Variants in FRRS1 observed in about 807,000 individuals in gnomAD.
FRRS1 encodes the protein ferric chelate reductase 1, also known as ferric reductase 1.
A neutral mutation model predicts 70.7 loss-of-function variants in FRRS1; 51 were observed. The observed-to-expected ratio is 0.72, with a 90% CI of 0.58 to 0.91. FRRS1 has a LOEUF of 0.91. FRRS1 is among the 40% of genes least tolerant of loss of function. FRRS1 has a pLI of 0.00. For synonymous variants in FRRS1, 225 were observed against 238.7 expected, an observed-to-expected ratio of 0.94 and a Z score of 0.53; for missense variants, 672 against 726.0, an observed-to-expected ratio of 0.93 and a Z score of 0.86.
chr1:99,765,139 CA>C (rs1257527914), intron 1 of FRRS1, among the ~76,000 whole-genome samples: 1 of 152,004 alleles, frequency 6.6e-6, no homozygotes, highest in East Asian at 1.9e-4. Flanking sequence ...TACACTTCAC[CA>C]AAAAAATCAA....
At chr1:99,753,264 T>C (rs1045196242) in intron 1 of FRRS1, among the ~76,000 whole-genome samples, 4 of 150,754 alleles carry the variant, frequency 2.7e-5, no homozygotes, top group African/African-American at 9.7e-5. Flanking sequence ...CTCATGCCTG[T>C]AATCCCAGCA....
At chr1:99,728,702 G>A in intron 8 of FRRS1, 62 bp from the exon 9 acceptor site, 2 of 1,465,718 alleles carry the variant, frequency 1.4e-6, no homozygotes, top group Admixed American at 1.7e-5. Flanking sequence ...AATAAGATAT[G>A]ATCAAAATCC....
rs550694551 is a variant in FRRS1 at position 99,729,631 on chromosome 1, T to G, written c.858+19A>C. 1 of 1,532,756 alleles carries G rather than the reference T, an allele frequency of 6.5e-7. No homozygotes were observed. Among genetic ancestry groups the G allele is most frequent in the Non-Finnish European group, 9.0e-7 (1 of 1,107,936 alleles). 94.9% of individuals were successfully genotyped at this position (1,532,756 alleles called of 1,614,324 possible). A position where few individuals can be genotyped will look rare whatever the true frequency, so the allele number is the denominator to read the frequency against. ...AAAGCGGGTCTCCAGGTGGAGGTTCTCAGAATTTTCACACCTACCCTGGAG... is the reference window on the plus strand; with the variant it reads ...AAAGCGGGTCTCCAGGTGGAGGTTCGCAGAATTTTCACACCTACCCTGGAG... On this transcript the variant is annotated intron_variant, in intron 8 of 16. Transcript: ENST00000646001.
intron 6 of FRRS1, 93 bp from the exon 7 acceptor site, chr1:99,738,361 G>A (rs1298502019): frequency 2.1e-5 from 17 of 812,486 alleles, no homozygotes; most frequent in Non-Finnish European, 1.2e-5. Flanking sequence ...AGTACGGGTA[G>A]CTCCCAAATT....
At chr1:99,720,834 A>AACACAC (rs57397996) in intron 9 of FRRS1, among the ~76,000 whole-genome samples, 89 of 137,336 alleles carry the variant, frequency 6.5e-4, no homozygotes, top group Middle Eastern at 3.6e-3. Context: ...AGCATTTCCT[A>AACACAC]ACACACACAC....
At chr1:99,752,510 T>C (rs193025002) in intron 1 of FRRS1, among the ~76,000 whole-genome samples, 1 of 152,246 alleles carries the variant, frequency 6.6e-6, no homozygotes, top group African/African-American at 2.4e-5. Flanking sequence ...ATCAATTAAG[T>C]TTGCCATCTT....
At chr1:99,717,389 G>A in intron 11 of FRRS1, 21 bp downstream of exon 11, 1 of 1,442,422 alleles carries the variant, frequency 6.9e-7, no homozygotes, top group Non-Finnish European at 9.8e-7. Context: ...ATATTGCATT[G>A]AACTTTTTTC....
chr1:99,717,487 T>C lies in FRRS1; in HGVS notation c.1159A>G (p.Ile387Val), dbSNP rs145549320. 1.2e-5 allele frequency: 20 copies of C among 1,613,996 alleles called. No homozygotes were observed. The East Asian group carries it at 4.2e-4, about 34-fold the overall frequency. The change falls in exon 11 of 17, where the codon ATA becomes GTA. Residue 387 changes from isoleucine to valine, a missense_variant. Ile to Val is a conservative substitution (Grantham distance 29). Transcript: ENST00000646001. ...MFVAWMTTVS[I>V]GVLVARFFKP... ...AAGAACCGGGCAACCAGTACACCTATGCTAACAGTAGTCATCCATGCCACA... is the reference window on the plus strand; with the variant it reads ...AAGAACCGGGCAACCAGTACACCTACGCTAACAGTAGTCATCCATGCCACA...
rs991335124 is a variant in FRRS1, at chr1:99,712,019, A to G, written c.1480+86T>C. On this transcript the variant is annotated intron_variant, in intron 14 of 16. Coordinates refer to ENST00000646001, the MANE Select transcript of FRRS1 (RefSeq NM_001361041.2). Reference sequence around the variant, plus strand: ...AACCAATTACTCCAATTACTAATGCATCTAAAAATCATTTAAGCCAAATTA... The same window carrying G: ...AACCAATTACTCCAATTACTAATGCGTCTAAAAATCATTTAAGCCAAATTA... 7.1e-6 allele frequency: 6 copies of G among 846,556 alleles called. No homozygotes were observed. The African/African-American group carries it at 8.5e-5, about 12-fold the overall frequency. The allele number at this position is 846,556 out of a possible 1,614,324, so 52.4% of individuals were successfully genotyped here.
At chr1:99,742,098 A>T (rs895869170) in intron 5 of FRRS1, 81 bp downstream of exon 5, 19 of 845,152 alleles carry the variant, frequency 2.2e-5, no homozygotes, top group Non-Finnish European at 4.0e-6. Context: ...CAAGTGATCC[A>T]CCACCTTGGC....
chr1:99,744,263 A>G (rs537452426), intron 4 of FRRS1, among the ~76,000 whole-genome samples: 1 of 152,324 alleles, frequency 6.6e-6, no homozygotes, highest in South Asian at 2.1e-4. Context: ...AAGCAAAGTC[A>G]TTATATGACA....
Position 99,708,819 on chromosome 1 carries a change from A to T in FRRS1, c.*209T>A. On this transcript the variant is annotated 3_prime_UTR_variant, in exon 17 of 17. Coordinates refer to ENST00000646001, the MANE Select transcript of FRRS1 (RefSeq NM_001361041.2). ...TCTTTCCTTTAAGACCCAGAATTAC[A>T]TATAGGGCATGACATTAATTTATAG... 1.1e-6 allele frequency: 1 copy of T among 926,314 alleles called. No homozygotes were observed. The highest frequency in any genetic ancestry group is 1.7e-6 in the Non-Finnish European group (1 of 590,002). 57.4% of individuals were successfully genotyped at this position (926,314 alleles called of 1,614,324 possible).
At chr1:99,744,969 C>CAAAAAA (rs71075450) in intron 4 of FRRS1, among the ~76,000 whole-genome samples, 10 of 91,764 alleles carry the variant, frequency 1.1e-4, no homozygotes, top group Non-Finnish European at 1.7e-4. Context: ...GACTCCGTCT[C>CAAAAAA]AAAAAAAAAA....
At chr1:99,743,335 AC>A (rs1656068264) in intron 4 of FRRS1, among the ~76,000 whole-genome samples, 1 of 152,234 alleles carries the variant, frequency 6.6e-6, no homozygotes. Context: ...CTTGAACAAC[AC>A]AGGTTTGAAG....
At position 99,706,542 on chromosome 1, in the gene FRRS1, G is replaced by A. The variant is rs7553092; in HGVS notation, c.*2486C>T. On this transcript the variant is annotated 3_prime_UTR_variant, in exon 17 of 17. Coordinates refer to ENST00000646001, the MANE Select transcript of FRRS1 (RefSeq NM_001361041.2). ...TTAAAATATCTTAGCCTCAACACTC[G>A]AAATATAGCAAGCCCACATATTTGA... is the stretch of plus-strand genomic sequence containing the variant. Among the ~76,000 whole-genome samples the A allele has an allele frequency of 5.2e-3, 789 of 152,204 alleles. 10 individuals are homozygous for A. The highest frequency in any genetic ancestry group is 0.018 in the African/African-American group (741 of 41,532).
At chr1:99,709,146 A>T in intron 16 of FRRS1, 26 bp from the exon 17 acceptor site, 1 of 1,607,156 alleles carries the variant, frequency 6.2e-7, no homozygotes. Flanking sequence ...AGATATGAAA[A>T]AAAAAAGTAT....
At chr1:99,736,680 T>G (rs1255072565) in intron 7 of FRRS1, among the ~76,000 whole-genome samples, 2 of 147,040 alleles carry the variant, frequency 1.4e-5, no homozygotes, top group Non-Finnish European at 3.0e-5. Flanking sequence ...AATGACCAGT[T>G]AATGGGTGCA....
intron 7 of FRRS1, among the ~76,000 whole-genome samples, chr1:99,735,099 C>G (rs1210755350): frequency 1.3e-5 from 2 of 152,200 alleles, no homozygotes; most frequent in Admixed American, 1.3e-4. Flanking sequence ...AAAATTGTGA[C>G]TTTAAGCAAA....
intron 12 of FRRS1, among the ~76,000 whole-genome samples, chr1:99,715,129 T>A (rs1244980180): frequency 6.6e-6 from 1 of 152,168 alleles, no homozygotes; most frequent in Non-Finnish European, 1.5e-5. Context: ...AGTGCTGGGA[T>A]GACAAGTGTG....
Sources: gnomAD v4.1 joint callset for allele counts (sites outside exome capture counted in the v4.1 genomes callset) on GRCh38, gnomAD v4.1.1 for gene constraint, MANE v1.5 for transcripts, NCBI Gene and HGNC (gene_info 2026-07-23, HGNC 2026-07-21) for gene names.